PIWIL1: variants seen among roughly 807,000 people sequenced by gnomAD.
The protein encoded by PIWIL1 is piwi like RNA-mediated gene silencing 1.
A neutral mutation model predicts 114.4 loss-of-function variants in PIWIL1; 73 were observed. The ratio of observed to expected loss-of-function variants is 0.64; its 90% confidence interval spans 0.53 to 0.78. The LOEUF (loss-of-function observed/expected upper bound fraction) is 0.78, where lower values mean the gene tolerates loss of function less well. Among genes scored for constraint, PIWIL1 ranks in the 30% least tolerant of loss-of-function variants. The pLI, the probability that PIWIL1 is intolerant of heterozygous loss-of-function variation, is 0.00. For missense variants in PIWIL1, 723 were observed against 1,063.1 expected (o/e 0.68, Z 4.45); for synonymous variants, 375 against 369.0 (o/e 1.02, Z -0.19).
the PIWIL1 span, among the ~76,000 whole-genome samples, chr12:130,383,052 T>A: frequency 2.0e-5 from 3 of 152,256 alleles, no homozygotes; most frequent in African/African-American, 7.2e-5. Flanking sequence ...GCAAGCTTTA[T>A]CAGTTCCAGA....
chr12:130,376,766 G>A (rs376655868), downstream of PIWIL1, among the ~76,000 whole-genome samples: 44 of 152,246 alleles, frequency 2.9e-4, no homozygotes, highest in African/African-American at 1.0e-3. Flanking sequence ...CCTTTGCCCC[G>A]ACTTTGGTCC....
chr12:130,338,751 C>T (rs1392891933), intron 1 of PIWIL1, among the ~76,000 whole-genome samples: 2 of 100,964 alleles, frequency 2.0e-5, no homozygotes, highest in South Asian at 3.9e-4. Context: ...ATGCAGGAGC[C>T]TGGGGTGCAG....
In PIWIL1 at chr12:130,357,054, A is replaced by T; in HGVS notation, c.1541A>T (p.Asn514Ile). 3 of 1,613,780 alleles carry T rather than the reference A, an allele frequency of 1.9e-6. No homozygotes were observed. Among genetic ancestry groups the T allele is most frequent in the Non-Finnish European group, 2.5e-6 (3 of 1,179,844 alleles). ...GAAGCAGCCAATTCATTGATACAAA[A>T]TCTATTTAAAGTTACACCAGCCATG... is the stretch of plus-strand genomic sequence containing the variant. ...NYEAANSLIQ[N>I]LFKVTPAMGM... Residue 514 changes from asparagine to isoleucine, a missense_variant, in exon 13 of 21, where the codon AAT becomes ATT. By Grantham distance (149) the Asn-to-Ile change is moderately radical. This residue lies in a region of PIWIL1 where 298 missense variants were observed against 420.8 expected (regional missense o/e 0.71). Transcript: ENST00000245255.
At chr12:130,387,579 T>C in the PIWIL1 span, among the ~76,000 whole-genome samples, 1 of 80,982 alleles carries the variant, frequency 1.2e-5, no homozygotes, top group Non-Finnish European at 2.4e-5. Flanking sequence ...CCATGCACAC[T>C]ACCCCCTTCC....
At chr12:130,394,153 T>G in the PIWIL1 span, among the ~76,000 whole-genome samples, 2 of 152,210 alleles carry the variant, frequency 1.3e-5, no homozygotes, top group South Asian at 4.1e-4. Flanking sequence ...GTCGGATTTC[T>G]TTCGTATTCT....
chr12:130,344,079 CT>C (rs1390862794), intron 3 of PIWIL1, among the ~76,000 whole-genome samples: 1 of 152,186 alleles, frequency 6.6e-6, no homozygotes, highest in Non-Finnish European at 1.5e-5. Context: ...CAAAATCAAG[CT>C]TTGGCTAAGT....
chr12:130,412,245 G>A, the PIWIL1 span, among the ~76,000 whole-genome samples: 2 of 152,100 alleles, frequency 1.3e-5, no homozygotes, highest in African/African-American at 2.4e-5. Flanking sequence ...AAGGCATAGC[G>A]GCCCCCCAAC....
the PIWIL1 span, chr12:130,399,650 G>A: frequency 2.6e-5 from 42 of 1,612,938 alleles, 1 homozygote; most frequent in South Asian, 4.5e-4. Context: ...ACGGGACAGA[G>A]ATTAAAAAGG....
At chr12:130,412,682 C>T in the PIWIL1 span, 1 of 1,613,750 alleles carries the variant, frequency 6.2e-7, no homozygotes, top group African/African-American at 1.3e-5. Flanking sequence ...TCCATCATCT[C>T]CTCATCATCT....
the PIWIL1 span, among the ~76,000 whole-genome samples, chr12:130,392,143 C>T: frequency 1.8e-5 from 2 of 113,016 alleles, no homozygotes; most frequent in African/African-American, 3.4e-5. Context: ...ATCACGTGTC[C>T]GTCAGTTACC....
Position 130,371,217 on chromosome 12 carries a change from G to A in PIWIL1, c.2363G>A (p.Ser788Asn), listed in dbSNP as rs916678780. 6.2e-7 allele frequency: 1 copy of A among 1,614,106 alleles called. No individual in the cohort carries two copies. The highest frequency in any genetic ancestry group is 8.5e-7 in the Non-Finnish European group (1 of 1,180,042). ...FIVSQAVRSG[S>N]VSPTHYNVIY... The stretch of plus-strand genomic sequence containing the variant: ...GTGAGCCAGGCTGTGAGAAGTGGTA[G>A]TGTTTCTCCCACACATTACAATGTC... The change falls in exon 20 of 21, where the codon AGT becomes AAT. Residue 788 changes from serine (S) to asparagine (N), a missense_variant. Coordinates refer to ENST00000245255, the MANE Select transcript of PIWIL1 (RefSeq NM_004764.5).
At chr12:130,420,719 C>T in the PIWIL1 span, among the ~76,000 whole-genome samples, 3 of 152,116 alleles carry the variant, frequency 2.0e-5, no homozygotes, top group Non-Finnish European at 4.4e-5. The surrounding 1 kb of genome is among the most constrained non-coding windows in gnomAD (Gnocchi z 4.3). Context: ...GTCCAAGCAA[C>T]AAGACAACCC....
downstream of PIWIL1, among the ~76,000 whole-genome samples, chr12:130,376,979 G>T (rs1021611510): frequency 6.6e-6 from 1 of 152,152 alleles, no homozygotes; most frequent in Admixed American, 6.5e-5. Context: ...AAGTTCCCGT[G>T]TGTTCCTTCA....
intron 14 of PIWIL1, 58 bp from the exon 15 acceptor site, chr12:130,361,122 C>T (rs1246078044): frequency 8.0e-6 from 12 of 1,509,018 alleles, no homozygotes; most frequent in Non-Finnish European, 1.1e-5. Flanking sequence ...CCTGTCCTCT[C>T]CCTTGCTCTT....
the PIWIL1 span, among the ~76,000 whole-genome samples, chr12:130,393,336 C>A: frequency 1.3e-5 from 2 of 151,264 alleles, no homozygotes; most frequent in African/African-American, 4.9e-5. Context: ...CGGTCACCAT[C>A]ATCACGTGTG....
the PIWIL1 span, among the ~76,000 whole-genome samples, chr12:130,423,388 C>G: frequency 6.6e-6 from 1 of 152,208 alleles, no homozygotes; most frequent in Non-Finnish European, 1.5e-5. Flanking sequence ...CCATCGCAAG[C>G]ACACGGCCTC....
the PIWIL1 span, among the ~76,000 whole-genome samples, chr12:130,418,956 C>T: frequency 6.6e-6 from 1 of 152,154 alleles, no homozygotes; most frequent in Non-Finnish European, 1.5e-5. Context: ...CACAATGTCA[C>T]GTTGTTTTGG....
Position 130,363,173 on chromosome 12 carries a change from T to C in PIWIL1, c.2195+29T>C, listed in dbSNP as rs564224198. On this transcript the variant is annotated intron_variant, in intron 18 of 20. Transcript: ENST00000245255. ...AGCATGCAAATTGTAAAGCATTTTC[T>C]TTTTATAAAACTGCACCTTTGTATC... 76 of 1,605,374 alleles carry C rather than the reference T, an allele frequency of 4.7e-5. No homozygotes were observed. The South Asian group carries it at 6.9e-4, about 15-fold the overall frequency.
At position 130,349,262 on chromosome 12, in the gene PIWIL1, C is replaced by T; in HGVS notation, c.758C>T (p.Thr253Ile). 1 of 1,613,332 alleles carries T rather than the reference C, an allele frequency of 6.2e-7. No homozygotes were observed. The highest frequency in any genetic ancestry group is 2.2e-5 in the East Asian group (1 of 44,838). ...AGGTTGGTGATTTGGCCTGGCTTCA[C>T]TACTTCCATCCTTCAGTATGAAAAC... is the stretch of plus-strand genomic sequence containing the variant. The part of the protein sequence containing the change: ...SHRLVIWPGF[T>I]TSILQYENSI... Residue 253 changes from threonine (T) to isoleucine (I), a missense_variant, in exon 8 of 21, where the codon ACT becomes ATT. Transcript: ENST00000245255.
Sources: gnomAD v4.1 joint callset for allele counts (sites outside exome capture counted in the v4.1 genomes callset) on GRCh38, gnomAD v4.1.1 for gene constraint, gnomAD v4.1.1 regional missense constraint, Gnocchi (gnomAD v3.1) non-coding constraint, MANE v1.5 for transcripts, NCBI Gene and HGNC (gene_info 2026-07-23, HGNC 2026-07-21) for gene names.